Variants in KSR2 observed in about 807,000 individuals in gnomAD.
KSR2 encodes the protein kinase suppressor of ras 2.
Under a neutral mutation model 107.8 loss-of-function variants are expected in KSR2, and 25 were observed. The ratio of observed to expected loss-of-function variants is 0.23; its 90% CI spans 0.17 to 0.32. The LOEUF (loss-of-function observed/expected upper bound fraction) is 0.32, where lower values mean the gene tolerates loss of function less well. Ranked by LOEUF, KSR2 falls within the 10% of genes least tolerant of loss-of-function variation. KSR2 has a pLI of 1.00. For missense variants in KSR2, 887 were observed against 1,268.9 expected (o/e 0.70, Z 4.57); for synonymous variants, 480 against 507.0 (o/e 0.95, Z 0.71).
At chr12:117,852,854 T>C (rs1892974596) in intron 3 of KSR2, among the ~76,000 whole-genome samples, 1 of 152,174 alleles carries the variant, frequency 6.6e-6, no homozygotes, top group Admixed American at 6.5e-5. Flanking sequence ...CAGGCTGCAG[T>C]GCAGTGGCAC....
At chr12:117,636,072 G>A (rs889462179) in intron 5 of KSR2, among the ~76,000 whole-genome samples, 2 of 152,148 alleles carry the variant, frequency 1.3e-5, no homozygotes, top group Non-Finnish European at 2.9e-5. Context: ...GATGACAGGC[G>A]TGAGCCAGGG....
intron 5 of KSR2, among the ~76,000 whole-genome samples, chr12:117,648,553 C>T (rs1438454622): frequency 1.3e-5 from 2 of 152,178 alleles, no homozygotes; most frequent in African/African-American, 4.8e-5. Flanking sequence ...TAAGATATTG[C>T]CTTTACAGAG....
At chr12:117,771,456 T>A (rs1475101628) in intron 3 of KSR2, among the ~76,000 whole-genome samples, 1 of 152,092 alleles carries the variant, frequency 6.6e-6, no homozygotes, top group Non-Finnish European at 1.5e-5. Flanking sequence ...CTTGGACACA[T>A]GTCATCAGGA....
intron 5 of KSR2, among the ~76,000 whole-genome samples, chr12:117,659,710 T>G (rs1884343344): frequency 3.3e-5 from 5 of 152,306 alleles, no homozygotes; most frequent in Admixed American, 2.6e-4. Flanking sequence ...GGGGCTGGAC[T>G]CAGTGATTTC....
intron 4 of KSR2, among the ~76,000 whole-genome samples, chr12:117,743,085 A>T (rs1449493996): frequency 6.6e-6 from 1 of 152,198 alleles, no homozygotes; most frequent in African/African-American, 2.4e-5. Context: ...AGAGCATCCG[A>T]CCTCCAGCTT....
At chr12:117,484,698 T>C in intron 15 of KSR2, 149 bp from the exon 16 acceptor site, 1 of 748,102 alleles carries the variant, frequency 1.3e-6, no homozygotes, top group Non-Finnish European at 2.1e-6. Context: ...TGACCGTGGG[T>C]CCTGGGGGTG....
At chr12:117,862,234 T>C (rs924028657) in intron 1 of KSR2, among the ~76,000 whole-genome samples, 4 of 152,094 alleles carry the variant, frequency 2.6e-5, no homozygotes, top group Admixed American at 2.6e-4. Context: ...GCCTATATTA[T>C]CATCTTTTTA....
chr12:117,888,149 C>A (rs894414794), intron 1 of KSR2, among the ~76,000 whole-genome samples: 1 of 152,190 alleles, frequency 6.6e-6, no homozygotes, highest in African/African-American at 2.4e-5. Flanking sequence ...TACCAGCATT[C>A]TTCAGTTTTC....
intron 14 of KSR2, among the ~76,000 whole-genome samples, chr12:117,495,638 C>T (rs1160575876): frequency 6.6e-6 from 1 of 152,228 alleles, no homozygotes; most frequent in East Asian, 1.9e-4. Context: ...CAGGCCCTCC[C>T]TCCCCTCCTT....
intron 7 of KSR2, among the ~76,000 whole-genome samples, chr12:117,563,256 C>T (rs904734425): frequency 6.6e-6 from 1 of 152,206 alleles, no homozygotes; most frequent in Non-Finnish European, 1.5e-5. Context: ...TTTAAGCAAG[C>T]ACACGTGAAA....
At chr12:117,937,297 A>T (rs1440957939) in intron 1 of KSR2, among the ~76,000 whole-genome samples, 1 of 152,008 alleles carries the variant, frequency 6.6e-6, no homozygotes, top group Non-Finnish European at 1.5e-5. Flanking sequence ...ATAAACCACA[A>T]AGCAGGAGAT....
intron 9 of KSR2, among the ~76,000 whole-genome samples, chr12:117,547,654 G>A (rs1413066591): frequency 6.6e-6 from 1 of 152,076 alleles, no homozygotes; most frequent in East Asian, 1.9e-4. Flanking sequence ...GACGGTTATT[G>A]GGTAAAAGTT....
At chr12:117,859,792 G>A (rs1020504246) in intron 2 of KSR2, among the ~76,000 whole-genome samples, 6 of 152,200 alleles carry the variant, frequency 3.9e-5, no homozygotes, top group Admixed American at 6.5e-5. Context: ...CTCATTCTAT[G>A]ATGTCGGCTA....
intron 10 of KSR2, among the ~76,000 whole-genome samples, chr12:117,538,841 C>G (rs1876244437): frequency 6.6e-6 from 1 of 152,238 alleles, no homozygotes; most frequent in South Asian, 2.1e-4. Context: ...GCCAGTCCCA[C>G]CAGCCTTCTT....
chr12:117,662,823 A>T (rs1317547370), intron 5 of KSR2, among the ~76,000 whole-genome samples: 2 of 152,200 alleles, frequency 1.3e-5, no homozygotes, highest in Non-Finnish European at 2.9e-5. Context: ...GCAGCTAATA[A>T]AGAAACACCC....
chr12:117,902,442 G>C (rs1894713941), intron 1 of KSR2, among the ~76,000 whole-genome samples: 1 of 147,760 alleles, frequency 6.8e-6, no homozygotes, highest in Non-Finnish European at 1.5e-5. Flanking sequence ...GCTGCAGTGA[G>C]CTGAGACCAT....
Position 117,645,456 on chromosome 12 carries a change from C to T in KSR2, c.1171+22018G>A, listed in dbSNP as rs192450306. 2.5e-3 allele frequency among the ~76,000 whole-genome samples: 386 copies of T among 152,268 alleles called. 1 individual carries two copies. Among genetic ancestry groups the T allele is most frequent in the Non-Finnish European group, 4.1e-3 (278 of 68,024 alleles). On this transcript the variant is annotated intron_variant, in intron 5 of 19. Coordinates refer to ENST00000339824, the MANE Select transcript of KSR2 (RefSeq NM_173598.6). ...TTGATAACAATCCCCACTCCTCTGC[C>T]CAAGTTCTATGGGATTTCCCAAAGG...
intron 5 of KSR2, among the ~76,000 whole-genome samples, chr12:117,645,506 T>A (rs1883575292): frequency 1.3e-5 from 2 of 152,310 alleles, no homozygotes; most frequent in Non-Finnish European, 2.9e-5. Context: ...AAGTAAGAAA[T>A]CATCTCCTCA....
At chr12:117,822,876 C>T (rs144134312) in intron 3 of KSR2, among the ~76,000 whole-genome samples, 7 of 151,998 alleles carry the variant, frequency 4.6e-5, no homozygotes, top group Non-Finnish European at 8.8e-5. Context: ...AGTCAGGGAC[C>T]GTCTGTGTGT....
Sources: allele counts gnomAD v4.1 joint callset (sites outside exome capture counted in the v4.1 genomes callset), GRCh38; gene constraint gnomAD v4.1.1; transcripts MANE v1.5; gene names NCBI Gene and HGNC (gene_info 2026-07-23, HGNC 2026-07-21).